PARD3B: variants seen among roughly 807,000 people sequenced by gnomAD.
PARD3B encodes partitioning defective 3 homolog B.
Under a neutral mutation model 130.2 loss-of-function variants are expected in PARD3B, and 103 were observed. The ratio of observed to expected loss-of-function variants is 0.79; its 90% CI spans 0.67 to 0.93. The LOEUF is 0.93. Ranked by LOEUF, PARD3B falls within the 40% of genes least tolerant of loss-of-function variation. The pLI is 0.00. For missense variants in PARD3B, 1,609 were observed against 1,499.2 expected, an observed-to-expected ratio of 1.07 and a Z score of -1.21; for synonymous variants, 583 against 553.2, an observed-to-expected ratio of 1.05 and a Z score of -0.76.
intron 19 of PARD3B, among the ~76,000 whole-genome samples, chr2:205,406,659 CTTTTTTTT>C (rs777517284): frequency 4.6e-5 from 4 of 87,426 alleles, no homozygotes; most frequent in Admixed American, 2.5e-4. Flanking sequence ...TCTTGTGTAT[CTTTTTTTT>C]TTTTTTTTTT....
intron 15 of PARD3B, among the ~76,000 whole-genome samples, chr2:205,211,132 A>G (rs1181142941): frequency 2.6e-5 from 4 of 152,098 alleles, no homozygotes; most frequent in African/African-American, 9.7e-5. Flanking sequence ...CTTTCTAAAA[A>G]TAATTTATTT....
chr2:204,958,539 T>A lies in PARD3B; in HGVS notation c.223-6613T>A, dbSNP rs1690469690. Among the ~76,000 whole-genome samples the A allele has an allele frequency of 2.0e-5, 3 of 152,184 alleles. No homozygotes were observed. The South Asian group carries it at 6.2e-4, about 32-fold the overall frequency. On this transcript the variant is annotated intron_variant, in intron 2 of 22. Coordinates refer to ENST00000406610, the MANE Select transcript of PARD3B (RefSeq NM_001302769.2). ...GTGTTTGATCTTGGTACTTTTTGTG[T>A]TCCTCTGTCAGTCCTGTGATGAAGA...
intron 3 of PARD3B, among the ~76,000 whole-genome samples, chr2:205,037,665 G>T (rs899744130): frequency 2.3e-5 from 3 of 132,012 alleles, no homozygotes; most frequent in African/African-American, 8.1e-5. Context: ...TATATATAAT[G>T]TATATAGTGG....
intron 2 of PARD3B, among the ~76,000 whole-genome samples, chr2:204,798,408 A>G (rs1176036820): frequency 6.6e-6 from 1 of 152,090 alleles, no homozygotes; most frequent in African/African-American, 2.4e-5. Context: ...CAGCCCCCCC[A>G]CAGCAGGCTA....
chr2:204,736,811 A>T, intron 2 of PARD3B, among the ~76,000 whole-genome samples: 1 of 152,230 alleles, frequency 6.6e-6, no homozygotes, highest in East Asian at 1.9e-4. Context: ...GGATTGCCGG[A>T]TTAAATGGTA....
At chr2:204,813,417 T>C (rs2043032605) in intron 2 of PARD3B, among the ~76,000 whole-genome samples, 1 of 152,170 alleles carries the variant, frequency 6.6e-6, no homozygotes, top group Non-Finnish European at 1.5e-5. Flanking sequence ...TTATACACTT[T>C]GAGTACAGGC....
chr2:205,495,189 C>T (rs1429090120), intron 20 of PARD3B, among the ~76,000 whole-genome samples: 1 of 152,094 alleles, frequency 6.6e-6, no homozygotes, highest in East Asian at 1.9e-4. Context: ...AAGCTCTGTC[C>T]AGCTCTAAAG....
At chr2:204,641,791 A>T (rs2035086704) in intron 1 of PARD3B, among the ~76,000 whole-genome samples, 2 of 152,240 alleles carry the variant, frequency 1.3e-5, no homozygotes, top group South Asian at 4.1e-4. Context: ...ACCAGTTGTC[A>T]CAATGATTTT....
Position 204,673,422 on chromosome 2 carries a change from C to T in PARD3B, c.121-12759C>T, listed in dbSNP as rs971359289. ...GCAAGGGTAGAGAGGTGGTTACTAC[C>T]ACTTGGTGTTTTTGCATCTCCACCA... On this transcript the variant is annotated intron_variant, in intron 1 of 22. Transcript: ENST00000406610. The surrounding 1 kb of genome is among the most constrained non-coding windows in gnomAD (Gnocchi z 4.7). Among the ~76,000 whole-genome samples the T allele has an allele frequency of 1.3e-5, 2 of 152,180 alleles. No homozygotes were observed. Among genetic ancestry groups the T allele is most frequent in the African/African-American group, 4.8e-5 (2 of 41,440 alleles).
intron 15 of PARD3B, among the ~76,000 whole-genome samples, chr2:205,228,530 A>T (rs2038679150): frequency 6.6e-6 from 1 of 150,916 alleles, no homozygotes; most frequent in South Asian, 2.1e-4. Flanking sequence ...TGCTTTTGGG[A>T]TCCTTTCTGT....
At chr2:204,902,699 G>A (rs2046911852) in intron 2 of PARD3B, among the ~76,000 whole-genome samples, 1 of 148,580 alleles carries the variant, frequency 6.7e-6, no homozygotes, top group South Asian at 2.1e-4. Context: ...AAAAGAATGA[G>A]TTTCTGTTTG....
chr2:205,217,206 T>C (rs1424526761), intron 15 of PARD3B, among the ~76,000 whole-genome samples: 2 of 152,186 alleles, frequency 1.3e-5, no homozygotes, highest in African/African-American at 4.8e-5. Flanking sequence ...GTAGGTGGCA[T>C]TGGATCAGTC....
intron 20 of PARD3B, among the ~76,000 whole-genome samples, chr2:205,488,481 G>A (rs1172313476): frequency 6.6e-6 from 1 of 152,120 alleles, no homozygotes; most frequent in Non-Finnish European, 1.5e-5. Flanking sequence ...CCAGTTTATG[G>A]CCTGGGGGTT....
chr2:205,472,866 T>C (rs1002618098), intron 20 of PARD3B, among the ~76,000 whole-genome samples: 21 of 151,866 alleles, frequency 1.4e-4, no homozygotes, highest in African/African-American at 5.1e-4. Context: ...GGAAGTTGTA[T>C]AGAGGGGGGG....
chr2:205,197,032 G>GGGTGTGTGTGT (rs1553636919), intron 15 of PARD3B, among the ~76,000 whole-genome samples: 2 of 55,254 alleles, frequency 3.6e-5, no homozygotes, highest in Admixed American at 1.8e-4. Flanking sequence ...GTGGGGGGGG[G>GGGTGTGTGTGT]GTGTGTGTGT....
At chr2:205,036,816 T>C (rs1010212691) in intron 3 of PARD3B, among the ~76,000 whole-genome samples, 4 of 150,600 alleles carry the variant, frequency 2.7e-5, no homozygotes, top group South Asian at 2.1e-4. Flanking sequence ...AAAATATATA[T>C]ACACAACGGA....
intron 2 of PARD3B, among the ~76,000 whole-genome samples, chr2:204,957,623 A>C (rs1690375953): frequency 6.6e-6 from 1 of 152,144 alleles, no homozygotes; most frequent in Admixed American, 6.5e-5. Flanking sequence ...ATCCGGATTA[A>C]ATGCTTTTAG....
intron 19 of PARD3B, among the ~76,000 whole-genome samples, chr2:205,418,869 T>C (rs1243356772): frequency 6.6e-6 from 1 of 152,136 alleles, no homozygotes; most frequent in Non-Finnish European, 1.5e-5. Flanking sequence ...AAAATAGCAG[T>C]TGAGACAGGC....
intron 4 of PARD3B, among the ~76,000 whole-genome samples, chr2:205,094,613 T>C (rs1178166519): frequency 6.6e-6 from 1 of 152,154 alleles, no homozygotes; most frequent in East Asian, 1.9e-4. Context: ...ATGGAATTGG[T>C]CTGTGGATTA....
Sources: gnomAD v4.1 joint callset for allele counts (sites outside exome capture counted in the v4.1 genomes callset) on GRCh38, gnomAD v4.1.1 for gene constraint, Gnocchi (gnomAD v3.1) non-coding constraint, MANE v1.5 for transcripts, NCBI Gene and HGNC (gene_info 2026-07-23, HGNC 2026-07-21) for gene names.